Variants in SLC22A23 observed in about 807,000 individuals in gnomAD.
The protein encoded by SLC22A23 is ion transporter protein.
Under a neutral mutation model 61.0 loss-of-function variants are expected in SLC22A23, and 26 were observed. The ratio of observed to expected loss-of-function variants is 0.43; its 90% confidence interval spans 0.31 to 0.59. The LOEUF (loss-of-function observed/expected upper bound fraction) is 0.59. SLC22A23 is among the 20% of genes least tolerant of loss of function. SLC22A23 has a pLI of 0.11. For synonymous variants in SLC22A23, 430 were observed against 413.9 expected (o/e 1.04, Z -0.47); for missense variants, 796 against 934.7 (o/e 0.85, Z 1.94).
chr6:3,453,250 T>G (rs189609772), intron 1 of SLC22A23, among the ~76,000 whole-genome samples: 1 of 152,040 alleles, frequency 6.6e-6, no homozygotes, highest in Admixed American at 6.5e-5. Context: ...AATAATTTTT[T>G]AAAAAAAATT....
At chr6:3,433,523 G>GCTGCCCTGATTCTGCCAAT (rs1771005620) in intron 1 of SLC22A23, among the ~76,000 whole-genome samples, 1 of 152,194 alleles carries the variant, frequency 6.6e-6, no homozygotes, top group African/African-American at 2.4e-5. Flanking sequence ...CTTTTCAATG[G>GCTGCCCTGATTCTGCCAAT]CTGCCCTGAT....
chr6:3,370,417 C>G (rs1271916627), intron 3 of SLC22A23, among the ~76,000 whole-genome samples: 2 of 152,268 alleles, frequency 1.3e-5, no homozygotes, highest in East Asian at 1.9e-4. Flanking sequence ...TTGTACGAAG[C>G]TTTCTCTGCA....
intron 4 of SLC22A23, among the ~76,000 whole-genome samples, chr6:3,298,949 G>A (rs1210711328): frequency 1.4e-5 from 2 of 146,478 alleles, no homozygotes; most frequent in East Asian, 3.9e-4. Flanking sequence ...TCCGCAGTCC[G>A]GCCTGGGCGA....
intron 4 of SLC22A23, among the ~76,000 whole-genome samples, chr6:3,299,569 T>C (rs1048499427): frequency 3.3e-5 from 5 of 152,244 alleles, no homozygotes; most frequent in African/African-American, 1.2e-4. Flanking sequence ...TGTTTTATTA[T>C]CAATTAATTT....
rs1164443382 is a variant in SLC22A23 at position 3,297,091 on chromosome 6, A to G, written c.1210+1000T>C. 6.6e-6 allele frequency among the ~76,000 whole-genome samples: 1 copy of G among 152,202 alleles called. No homozygotes were observed. Among genetic ancestry groups the G allele is most frequent in the African/African-American group, 2.4e-5 (1 of 41,438 alleles). ...CATCCCTCCTGACGTATGCACGTGT[A>G]ACTTCCCTGTCTGTGTGCCCCACCT... On this transcript the variant is annotated intron_variant, in intron 5 of 9. Transcript: ENST00000406686. The surrounding 1 kb of genome is among the most constrained non-coding windows in gnomAD (Gnocchi z 4.3).
Position 3,271,347 on chromosome 6 carries a change from T to C in SLC22A23, c.*1708A>G, listed in dbSNP as rs1758462742. The C allele has an allele frequency of 6.6e-6, 1 of 152,326 alleles. No individual in the cohort carries two copies. The allele number at this position is 152,326 out of a possible 1,614,324, so 9.4% of individuals were successfully genotyped here. A position where few individuals can be genotyped will look rare whatever the true frequency, so the allele number is the denominator to read the frequency against. On this transcript the variant is annotated 3_prime_UTR_variant, in exon 10 of 10. Coordinates refer to ENST00000406686, the MANE Select transcript of SLC22A23 (RefSeq NM_015482.2). The stretch of plus-strand genomic sequence containing the variant: ...GCGTGGTCCAGCCACTGGAAACACG[T>C]GGCCAAGAGTCTGCTTGCCCCTTGC...
intron 1 of SLC22A23, among the ~76,000 whole-genome samples, chr6:3,444,616 C>T (rs565082519): frequency 6.6e-6 from 1 of 152,356 alleles, no homozygotes; most frequent in African/African-American, 2.4e-5. Context: ...CAGAGCCCCA[C>T]TCTCCCGGCC....
In SLC22A23 at chr6:3,383,143, T is replaced by C. The variant is rs113436211; in HGVS notation, c.913+27045A>G. Among the ~76,000 whole-genome samples the C allele has an allele frequency of 6.0e-4, 92 of 152,216 alleles. 2 individuals are homozygous for C. The highest frequency in any genetic ancestry group is 2.1e-3 in the African/African-American group (87 of 41,536). On this transcript the variant is annotated intron_variant, in intron 3 of 9. Coordinates refer to ENST00000406686, the MANE Select transcript of SLC22A23 (RefSeq NM_015482.2). ...TTCAGACAGCAGAGAAACAAACAAA[T>C]GATAAAGCTATAAAGATCAACACAG...
At chr6:3,273,805 T>C (rs1044570380) in intron 9 of SLC22A23, among the ~76,000 whole-genome samples, 3 of 152,176 alleles carry the variant, frequency 2.0e-5, no homozygotes, top group Admixed American at 6.5e-5. Context: ...GGGATTGAAA[T>C]TATGCCATTT....
intron 2 of SLC22A23, among the ~76,000 whole-genome samples, chr6:3,411,788 G>A (rs985594442): frequency 6.6e-6 from 1 of 152,194 alleles, no homozygotes; most frequent in African/African-American, 2.4e-5. Context: ...GCCAAGGCTA[G>A]GAGCTCAATG....
chr6:3,383,624 A>G lies in SLC22A23; in HGVS notation c.913+26564T>C, dbSNP rs1767095182. Among the ~76,000 whole-genome samples, 4 of 152,248 alleles carry G rather than the reference A, an allele frequency of 2.6e-5. No homozygotes were observed. In the East Asian group the frequency reaches 7.7e-4, roughly 29 times the overall value. On this transcript the variant is annotated intron_variant, in intron 3 of 9. Coordinates refer to ENST00000406686, the MANE Select transcript of SLC22A23 (RefSeq NM_015482.2). Reference sequence around the variant, plus strand: ...TGAGGGGTCAGAAGAAAATCCCTAGAAAAAGTGGCGCCAACCTTATCTGAG... The same window carrying G: ...TGAGGGGTCAGAAGAAAATCCCTAGGAAAAGTGGCGCCAACCTTATCTGAG...
intron 3 of SLC22A23, among the ~76,000 whole-genome samples, chr6:3,347,972 C>T (rs939219466): frequency 1.3e-5 from 2 of 152,192 alleles, no homozygotes; most frequent in African/African-American, 4.8e-5. Flanking sequence ...GGTGATGTGT[C>T]ATCATGGAGG....
At chr6:3,409,676 T>C (rs778186908) in intron 3 of SLC22A23, among the ~76,000 whole-genome samples, 1 of 152,152 alleles carries the variant, frequency 6.6e-6, no homozygotes, top group Non-Finnish European at 1.5e-5. Context: ...ACAGACAAGA[T>C]AGATCAATGA....
intron 3 of SLC22A23, among the ~76,000 whole-genome samples, chr6:3,363,407 G>A (rs13197645): frequency 0.35 from 53,883 of 152,104 alleles, 9,627 homozygotes; most frequent in Middle Eastern, 0.41. Context: ...CTTCCTCCTC[G>A]GGGGACTGTG....
intron 3 of SLC22A23, among the ~76,000 whole-genome samples, chr6:3,406,536 GTGTGTGTGTGTGCGCGCA>G (rs1156752683): frequency 5.4e-5 from 3 of 55,206 alleles, no homozygotes; most frequent in Non-Finnish European, 1.1e-4. Context: ...CTGTGTGTGT[GTGTGTGTGTGTGCGCGCA>G]TGTGTGTGTG....
chr6:3,419,524 G>C (rs1045414562), intron 1 of SLC22A23, among the ~76,000 whole-genome samples: 1 of 152,236 alleles, frequency 6.6e-6, no homozygotes, highest in Non-Finnish European at 1.5e-5. Flanking sequence ...TAGGAAGAGA[G>C]TTCAGAGGGG....
chr6:3,390,707 C>T lies in SLC22A23; in HGVS notation c.913+19481G>A, dbSNP rs1264623467. ...TGGCTGCCACTCAGCATCTCTGAGC[C>T]TGGTATGTATCAGTGGACCCCAAGT... On this transcript the variant is annotated intron_variant, in intron 3 of 9. Transcript: ENST00000406686. The surrounding 1 kb of genome is among the most constrained non-coding windows in gnomAD (Gnocchi z 4.0). Among the ~76,000 whole-genome samples the T allele has an allele frequency of 6.6e-6, 1 of 152,208 alleles. No homozygotes were observed. The highest frequency in any genetic ancestry group is 1.9e-4 in the East Asian group (1 of 5,198).
intron 3 of SLC22A23, among the ~76,000 whole-genome samples, chr6:3,353,727 T>C (rs1764911525): frequency 6.6e-6 from 1 of 152,094 alleles, no homozygotes; most frequent in Non-Finnish European, 1.5e-5. Flanking sequence ...GCCACCCAAA[T>C]GTACTCACGT....
intron 3 of SLC22A23, among the ~76,000 whole-genome samples, chr6:3,377,319 C>T (rs1318180852): frequency 6.6e-6 from 1 of 151,786 alleles, no homozygotes; most frequent in Non-Finnish European, 1.5e-5. Context: ...GGGCTCTTGG[C>T]CAAAGAAGGG....
Sources: gnomAD v4.1 joint callset for allele counts (sites outside exome capture counted in the v4.1 genomes callset) on GRCh38, gnomAD v4.1.1 for gene constraint, Gnocchi (gnomAD v3.1) non-coding constraint, MANE v1.5 for transcripts, NCBI Gene and HGNC (gene_info 2026-07-23, HGNC 2026-07-21) for gene names.